Variants in NLGN4Y observed in about 807,000 individuals in gnomAD.
The protein encoded by NLGN4Y is neuroligin 4 Y-linked.
In NLGN4Y, 4 loss-of-function variants were observed where a neutral mutation model predicts 8.4. That is an observed-to-expected ratio of 0.48 (90% CI 0.23 to 1.09). The LOEUF (loss-of-function observed/expected upper bound fraction) is 1.09, where lower values mean the gene tolerates loss of function less well. Among genes scored for constraint, NLGN4Y ranks in the 50% least tolerant of loss-of-function variants. NLGN4Y has a pLI of 0.19. For missense variants in NLGN4Y, 90 were observed against 192.3 expected (o/e 0.47, Z 3.15); for synonymous variants, 35 against 75.6 (o/e 0.46, Z 2.78).
At chrY:14,611,555 GTTTATTTA>G (rs757837636) in intron 1 of NLGN4Y, among the ~76,000 whole-genome samples, 101 of 26,896 alleles carry the variant, frequency 3.8e-3, no homozygotes, top group Admixed American at 0.016. Context: ...TTGTTTGTTT[GTTTATTTA>G]TTTATTTATT....
At chrY:14,530,528 G>A in intron 1 of NLGN4Y, among the ~76,000 whole-genome samples, 3 of 32,162 alleles carry the variant, frequency 9.3e-5, no homozygotes, top group African/African-American at 3.7e-4. Flanking sequence ...TCCAAAAAAG[G>A]TGTTATTGCC....
chrY:14,692,540 T>C lies in NLGN4Y; in HGVS notation c.473-26919T>C, dbSNP rs1001388016. ...TTCTCATGATGAGGTACAGGAACCA[T>C]TTCTCAAAGCTGCCAAAACACTGCC... On this transcript the variant is annotated intron_variant, in intron 2 of 6. Coordinates refer to ENST00000684976, the MANE Select transcript of NLGN4Y (RefSeq NM_001365588.1). Among the ~76,000 whole-genome samples the C allele has an allele frequency of 2.7e-4, 9 of 33,135 alleles. No individual in the cohort carries two copies. The South Asian group carries it at 6.0e-3, about 22-fold the overall frequency. The allele number at this position is 33,135 out of a possible 37,273, so 88.9% of individuals were successfully genotyped here. A position where few individuals can be genotyped will look rare whatever the true frequency, so the allele number is the denominator to read the frequency against.
chrY:14,598,424 A>G lies in NLGN4Y; in HGVS notation c.-111-23585A>G, dbSNP rs754293187. 3.3e-4 allele frequency among the ~76,000 whole-genome samples: 11 copies of G among 33,775 alleles called. No individual in the cohort carries two copies. The South Asian group carries it at 3.4e-3, about 10-fold the overall frequency. The allele number at this position is 33,775 out of a possible 37,273, so 90.6% of individuals were successfully genotyped here. On this transcript the variant is annotated intron_variant, in intron 1 of 6. Coordinates refer to ENST00000684976, the MANE Select transcript of NLGN4Y (RefSeq NM_001365588.1). ...TGCTGGGGTACTCAGTATACCCTCC[A>G]CAGCCACTGGCCCAGATGCTAAGTC...
Position 14,841,101 on chromosome Y carries a change from C to T in NLGN4Y, c.2350C>T (p.Leu784=), listed in dbSNP as rs766479684. The T allele has an allele frequency of 2.5e-6, 1 of 398,827 alleles. No homozygotes were observed. Among genetic ancestry groups the T allele is most frequent in the Non-Finnish European group, 3.5e-6 (1 of 283,662 alleles). The change falls in exon 7 of 7, where the codon CTG becomes TTG. Residue 784 remains leucine, a synonymous_variant. Transcript: ENST00000684976. The part of the protein sequence containing the change: ...LTCPPDYTLT[L]RRSPDDIPFM... The stretch of plus-strand genomic sequence containing the variant: ...CTGCCCTCCAGACTACACCCTCACG[C>T]TGCGCCGGTCGCCGGATGACATCCC...
chrY:14,561,901 C>G (rs781617693), intron 1 of NLGN4Y, among the ~76,000 whole-genome samples: 3 of 33,476 alleles, frequency 9.0e-5, no homozygotes, highest in Admixed American at 2.7e-4. Context: ...ATACTTTGAC[C>G]ATTTTTTTGA....
intron 2 of NLGN4Y, chrY:14,639,971 T>C (rs2080584495): frequency 8.2e-6 from 1 of 122,655 alleles, no homozygotes; most frequent in African/African-American, 9.9e-5. Flanking sequence ...AACCGGAGCA[T>C]GCCCTTTCCC....
intron 4 of NLGN4Y, among the ~76,000 whole-genome samples, chrY:14,796,493 C>G: frequency 3.6e-5 from 1 of 27,422 alleles, no homozygotes; most frequent in African/African-American, 1.5e-4. Flanking sequence ...ACGCGGGAGG[C>G]TGAGGCAGGA....
intron 1 of NLGN4Y, among the ~76,000 whole-genome samples, chrY:14,598,883 GTATATA>G (rs756147894): frequency 1.5e-4 from 2 of 13,551 alleles, no homozygotes; most frequent in Admixed American, 6.5e-4. Flanking sequence ...AATAGGAGAT[GTATATA>G]TATATATATA....
chrY:14,699,913 T>C, intron 2 of NLGN4Y, among the ~76,000 whole-genome samples: 1 of 33,244 alleles, frequency 3.0e-5, no homozygotes, highest in South Asian at 6.5e-4. Context: ...CATTACTGTA[T>C]GGGATTAAAT....
intron 2 of NLGN4Y, among the ~76,000 whole-genome samples, chrY:14,676,077 C>G: frequency 3.1e-5 from 1 of 32,505 alleles, no homozygotes; most frequent in Admixed American, 2.8e-4. Flanking sequence ...TACTTTGTTC[C>G]TATAACTCAT....
At chrY:14,583,368 T>G in intron 1 of NLGN4Y, among the ~76,000 whole-genome samples, 1 of 33,361 alleles carries the variant, frequency 3.0e-5, no homozygotes, top group African/African-American at 1.2e-4. Flanking sequence ...CAGATTATAA[T>G]TCAAAAGAGA....
intron 2 of NLGN4Y, among the ~76,000 whole-genome samples, chrY:14,685,893 G>A: frequency 3.1e-5 from 1 of 32,784 alleles, no homozygotes; most frequent in East Asian, 8.1e-4. Flanking sequence ...AGAACCTAGT[G>A]GGAATACCAC....
At chrY:14,756,361 C>A (rs1603503587) in intron 4 of NLGN4Y, among the ~76,000 whole-genome samples, 1 of 33,351 alleles carries the variant, frequency 3.0e-5, no homozygotes, top group Non-Finnish European at 7.4e-5. Context: ...AATTTTACTT[C>A]TTTCAGCTAT....
chrY:14,545,931 T>A, intron 1 of NLGN4Y, among the ~76,000 whole-genome samples: 2 of 32,266 alleles, frequency 6.2e-5, no homozygotes, highest in African/African-American at 1.2e-4. Flanking sequence ...AGGTCTTTAA[T>A]CCATCTTGAA....
intron 4 of NLGN4Y, among the ~76,000 whole-genome samples, chrY:14,772,698 GC>G: frequency 3.0e-5 from 1 of 33,235 alleles, no homozygotes; most frequent in South Asian, 6.7e-4. Flanking sequence ...GAATCCAGCA[GC>G]CCTTTACAAA....
At chrY:14,772,720 G>C (rs2081110943) in intron 4 of NLGN4Y, among the ~76,000 whole-genome samples, 1 of 33,203 alleles carries the variant, frequency 3.0e-5, no homozygotes, top group Admixed American at 2.8e-4. Flanking sequence ...GCTTATCCAT[G>C]ATGATCAAGT....
At chrY:14,801,562 A>AAG in intron 4 of NLGN4Y, among the ~76,000 whole-genome samples, 1 of 29,750 alleles carries the variant, frequency 3.4e-5, no homozygotes, top group African/African-American at 1.3e-4. Flanking sequence ...AAAAAAAAAA[A>AAG]AGAGAGAGAG....
intron 2 of NLGN4Y, among the ~76,000 whole-genome samples, chrY:14,684,333 C>T: frequency 3.0e-5 from 1 of 33,257 alleles, no homozygotes; most frequent in Admixed American, 2.8e-4. Context: ...TAAGGAATCT[C>T]TGAGACTGGG....
Position 14,524,579 on chromosome Y carries a change from G to C in NLGN4Y, c.-241G>C, listed in dbSNP as rs1408095478. ...GCGGGTGAGCTAGGGGCTGTGAGAC[G>C]AAGCAGGGAGAGAGTGAACTTCAGC... On this transcript the variant is annotated 5_prime_UTR_variant, in exon 1 of 7. Coordinates refer to ENST00000684976, the MANE Select transcript of NLGN4Y (RefSeq NM_001365588.1). 1.6e-5 allele frequency: 2 copies of C among 121,617 alleles called. No homozygotes were observed. The highest frequency in any genetic ancestry group is 3.6e-5 in the Non-Finnish European group (2 of 56,046). The allele number at this position is 121,617 out of a possible 400,897, so 30.3% of individuals were successfully genotyped here. A position where few individuals can be genotyped will look rare whatever the true frequency, so the allele number is the denominator to read the frequency against.
Sources: allele counts gnomAD v4.1 joint callset (sites outside exome capture counted in the v4.1 genomes callset), GRCh38; gene constraint gnomAD v4.1.1; transcripts MANE v1.5; gene names NCBI Gene and HGNC (gene_info 2026-07-23, HGNC 2026-07-21).